SCD5: variants seen among roughly 807,000 people sequenced by gnomAD.
The protein encoded by SCD5 is acyl-CoA-desaturase 4.
SCD5 carries 20 observed loss-of-function variants against 30.4 expected under a neutral mutation model. The observed-to-expected ratio is 0.66, with a 90% CI of 0.46 to 0.96. The LOEUF (loss-of-function observed/expected upper bound fraction) is 0.96, where lower values mean the gene tolerates loss of function less well. Among genes scored for constraint, SCD5 ranks in the 40% least tolerant of loss-of-function variants. The pLI, the probability that SCD5 is intolerant of heterozygous loss-of-function variation, is 0.00. For missense variants in SCD5, 381 were observed against 443.3 expected (o/e 0.86, Z 1.26); for synonymous variants, 173 against 176.4 (o/e 0.98, Z 0.16).
intron 4 of SCD5, among the ~76,000 whole-genome samples, chr4:82,636,058 C>G (rs79381503): frequency 6.6e-6 from 1 of 152,184 alleles, no homozygotes; most frequent in African/African-American, 2.4e-5. Context: ...TCACCTACTA[C>G]GTGCCAGGCA....
chr4:82,651,623 T>TA, intron 3 of SCD5, among the ~76,000 whole-genome samples: 1 of 152,116 alleles, frequency 6.6e-6, no homozygotes, highest in Non-Finnish European at 1.5e-5. Context: ...AATAAAAAAT[T>TA]AAAAAATTGG....
At chr4:82,703,012 G>C (rs1719886804) in intron 2 of SCD5, among the ~76,000 whole-genome samples, 1 of 152,108 alleles carries the variant, frequency 6.6e-6, no homozygotes, top group Admixed American at 6.5e-5. Flanking sequence ...TAAAACCCCA[G>C]GTCCATGAAA....
chr4:82,700,762 G>C (rs1025889895), intron 2 of SCD5, among the ~76,000 whole-genome samples: 3 of 122,252 alleles, frequency 2.5e-5, no homozygotes, highest in African/African-American at 9.2e-5. Flanking sequence ...ACTCCAGCCT[G>C]GGTGACGGAG....
chr4:82,698,352 C>G (rs988277492), intron 2 of SCD5, among the ~76,000 whole-genome samples: 1 of 152,190 alleles, frequency 6.6e-6, no homozygotes, highest in Non-Finnish European at 1.5e-5. Flanking sequence ...ACAGCATGAG[C>G]TGTACTTGAG....
intron 1 of SCD5, among the ~76,000 whole-genome samples, chr4:82,710,133 A>G (rs1286248707): frequency 1.3e-5 from 2 of 152,152 alleles, no homozygotes. Context: ...GATCTTAAAC[A>G]TCTGACTGCA....
intron 3 of SCD5, among the ~76,000 whole-genome samples, chr4:82,650,762 C>T (rs1727734961): frequency 6.6e-6 from 1 of 151,814 alleles, no homozygotes; most frequent in African/African-American, 2.4e-5. Context: ...TTGCTATTTA[C>T]TGTATGGGAA....
In SCD5 at chr4:82,631,521, G is replaced by A. The variant is rs1471572941; in HGVS notation, c.803-4C>T. The A allele has an allele frequency of 6.2e-7, 1 of 1,613,382 alleles. No homozygotes were observed. The highest frequency in any genetic ancestry group is 8.5e-7 in the Non-Finnish European group (1 of 1,179,410). On this transcript the variant is annotated splice_polypyrimidine_tract_variant and splice_region_variant and intron_variant, in intron 4 of 4. Coordinates refer to ENST00000319540, the MANE Select transcript of SCD5 (RefSeq NM_001037582.3). ...TGGTAATTATGGAAGCCTTCACCTG[G>A]AAGACAAAGCGGGCATTGATATAAT...
At chr4:82,678,030 A>G (rs1310508006) in intron 3 of SCD5, among the ~76,000 whole-genome samples, 2 of 152,068 alleles carry the variant, frequency 1.3e-5, no homozygotes, top group Non-Finnish European at 2.9e-5. Context: ...AAAGAGCAGT[A>G]TTCCTCTACC....
At chr4:82,638,948 G>A (rs1727485832) in intron 3 of SCD5, among the ~76,000 whole-genome samples, 1 of 152,222 alleles carries the variant, frequency 6.6e-6, no homozygotes, top group Admixed American at 6.5e-5. Context: ...GGGAAATAGA[G>A]CAACAGAAAG....
intron 3 of SCD5, among the ~76,000 whole-genome samples, chr4:82,676,186 G>T (rs1265232773): frequency 6.6e-6 from 1 of 152,182 alleles, no homozygotes; most frequent in African/African-American, 2.4e-5. Context: ...GTCCCCTGCT[G>T]AGGATGGTAG....
At chr4:82,774,321 C>T (rs908335154) in intron 1 of SCD5, among the ~76,000 whole-genome samples, 1 of 151,962 alleles carries the variant, frequency 6.6e-6, no homozygotes. Context: ...TGATCCACAT[C>T]TATGGACATG....
intron 1 of SCD5, among the ~76,000 whole-genome samples, chr4:82,755,940 G>T (rs981555291): frequency 6.6e-6 from 1 of 152,152 alleles, no homozygotes; most frequent in Non-Finnish European, 1.5e-5. Flanking sequence ...AATCACTTCA[G>T]ATTATGAAAA....
At chr4:82,793,815 TA>T (rs1371691529) in intron 1 of SCD5, among the ~76,000 whole-genome samples, 1 of 152,118 alleles carries the variant, frequency 6.6e-6, no homozygotes, top group Admixed American at 6.6e-5. Flanking sequence ...GGTAAGTAAG[TA>T]GAAGAGCAGG....
intron 3 of SCD5, among the ~76,000 whole-genome samples, chr4:82,676,693 G>A (rs922224912): frequency 2.0e-5 from 3 of 152,214 alleles, no homozygotes; most frequent in Non-Finnish European, 4.4e-5. Flanking sequence ...ATTTAGGCAG[G>A]TGCCATGTTC....
intron 1 of SCD5, among the ~76,000 whole-genome samples, chr4:82,712,300 TA>T (rs1237709254): frequency 0.017 from 452 of 26,380 alleles, 78 homozygotes; most frequent in African/African-American, 0.047. Context: ...ATATATATTT[TA>T]TTTTTATTTT....
intron 2 of SCD5, among the ~76,000 whole-genome samples, chr4:82,687,183 AAAAAAAGAAAGAAAGAAAG>A (rs1728728349): frequency 1.4e-4 from 4 of 29,550 alleles, no homozygotes; most frequent in Non-Finnish European, 1.7e-4. Context: ...GAAAAAAAAA[AAAAAAAGAAAGAAAGAAAG>A]AAAAGAAAGA....
chr4:82,738,076 C>T (rs1182307619), intron 1 of SCD5, among the ~76,000 whole-genome samples: 1 of 151,968 alleles, frequency 6.6e-6, no homozygotes, highest in East Asian at 1.9e-4. Flanking sequence ...ATTCTGTAAG[C>T]ATCACACAAA....
intron 3 of SCD5, among the ~76,000 whole-genome samples, chr4:82,650,941 T>A (rs1269682731): frequency 9.0e-6 from 1 of 110,512 alleles, no homozygotes; most frequent in African/African-American, 3.0e-5. Flanking sequence ...ATAAATTACA[T>A]ATTTTTAGGA....
At chr4:82,714,523 C>T (rs7674113) in intron 1 of SCD5, among the ~76,000 whole-genome samples, 84,088 of 151,802 alleles carry the variant, frequency 0.55, 23,963 homozygotes, top group East Asian at 0.76. Flanking sequence ...GGGACTGCTG[C>T]TAGCAAGGCA....
Sources: allele counts gnomAD v4.1 joint callset (sites outside exome capture counted in the v4.1 genomes callset), GRCh38; gene constraint gnomAD v4.1.1; transcripts MANE v1.5; gene names NCBI Gene and HGNC (gene_info 2026-07-23, HGNC 2026-07-21).